Variants in HNF4G observed in about 807,000 individuals in gnomAD.
HNF4G encodes hepatocyte nuclear factor 4 gamma, also known as hepatocyte nuclear factor 4-gamma.
HNF4G carries 21 observed loss-of-function variants against 50.9 expected under a neutral mutation model. The observed-to-expected ratio is 0.41, with a 90% CI of 0.29 to 0.59. HNF4G has a LOEUF of 0.59. Ranked by LOEUF, HNF4G falls within the 20% of genes least tolerant of loss-of-function variation. The pLI is 0.26. For missense variants in HNF4G, 527 were observed against 559.4 expected (o/e 0.94, Z 0.58); for synonymous variants, 198 against 185.6 (o/e 1.07, Z -0.54).
intron 2 of HNF4G, among the ~76,000 whole-genome samples, chr8:75,527,604 C>T (rs544998181): frequency 5.9e-5 from 9 of 152,174 alleles, no homozygotes; most frequent in Non-Finnish European, 1.0e-4. Flanking sequence ...GTATTAGTTA[C>T]AGTCTCCAAG....
Position 75,539,944 on chromosome 8 carries a change from T to G in HNF4G, c.-19T>G, listed in dbSNP as rs944603901. On this transcript the variant is annotated 5_prime_UTR_variant, in exon 1 of 10. Coordinates refer to ENST00000396423, the MANE Select transcript of HNF4G (RefSeq NM_004133.5). ...CACTCTGGGCTTGTGGTGCCACTTG[T>G]ATGTGTGTTTCTAAATCAATGATGA... 2.3e-5 allele frequency: 26 copies of G among 1,114,794 alleles called. No individual in the cohort carries two copies. The highest frequency in any genetic ancestry group is 3.4e-5 in the Non-Finnish European group (25 of 726,426). The allele number at this position is 1,114,794 out of a possible 1,614,324, so 69.1% of individuals were successfully genotyped here. A position where few individuals can be genotyped will look rare whatever the true frequency, so the allele number is the denominator to read the frequency against.
At chr8:75,538,562 T>C (rs1479237959), upstream of HNF4G, among the ~76,000 whole-genome samples, 1 of 152,204 alleles carries the variant, frequency 6.6e-6, no homozygotes, top group Non-Finnish European at 1.5e-5. Flanking sequence ...GAAATGTTTG[T>C]TAACTCATTT....
At chr8:75,463,542 T>C (rs28588787) in intron 1 of HNF4G, among the ~76,000 whole-genome samples, 18,901 of 152,122 alleles carry the variant, frequency 0.12, 1,623 homozygotes, top group African/African-American at 0.25. Context: ...ATATTTTAAA[T>C]TTTGTTCTTC....
intron 2 of HNF4G, among the ~76,000 whole-genome samples, chr8:75,516,124 G>C (rs1805883232): frequency 6.6e-6 from 1 of 152,190 alleles, no homozygotes; most frequent in Non-Finnish European, 1.5e-5. Context: ...AACACCCTCA[G>C]AGACAAACCC....
At chr8:75,440,901 A>C (rs1310132539) in intron 1 of HNF4G, among the ~76,000 whole-genome samples, 1 of 152,114 alleles carries the variant, frequency 6.6e-6, no homozygotes, top group Admixed American at 6.6e-5. Flanking sequence ...TATATTGCCC[A>C]GGCTGGAGTG....
At chr8:75,558,377 C>G (rs1318675617) in intron 6 of HNF4G, 141 bp from the exon 7 acceptor site, 1 of 682,256 alleles carries the variant, frequency 1.5e-6, no homozygotes, top group Non-Finnish European at 2.4e-6. Context: ...ACTAACAACA[C>G]CACTGAGAGA....
At chr8:75,418,812 C>A (rs1810707238) in intron 1 of HNF4G, among the ~76,000 whole-genome samples, 1 of 150,188 alleles carries the variant, frequency 6.7e-6, no homozygotes, top group African/African-American at 2.5e-5. Context: ...ACCGCAACCT[C>A]CGCCTCCCGG....
intron 2 of HNF4G, among the ~76,000 whole-genome samples, chr8:75,530,220 A>G (rs1426955887): frequency 6.6e-6 from 1 of 152,140 alleles, no homozygotes; most frequent in Non-Finnish European, 1.5e-5. Flanking sequence ...GAGTTCCCCT[A>G]TCCTTGATCC....
chr8:75,432,117 C>G (rs1357434795), intron 1 of HNF4G, among the ~76,000 whole-genome samples: 1 of 151,660 alleles, frequency 6.6e-6, no homozygotes, highest in Non-Finnish European at 1.5e-5. Context: ...AGCCAGGCGT[C>G]ATGATGTGCC....
chr8:75,439,453 T>G (rs549282297), intron 1 of HNF4G, among the ~76,000 whole-genome samples: 79 of 152,170 alleles, frequency 5.2e-4, no homozygotes, highest in African/African-American at 1.9e-3. Context: ...ATTGATAATA[T>G]TGTTAAATTA....
At chr8:75,442,791 C>A (rs1178579174) in intron 1 of HNF4G, among the ~76,000 whole-genome samples, 1 of 151,752 alleles carries the variant, frequency 6.6e-6, no homozygotes, top group African/African-American at 2.4e-5. Flanking sequence ...AATATAAAAA[C>A]CTGGTTTTTA....
At chr8:75,562,268 C>T (rs927255656) in intron 9 of HNF4G, among the ~76,000 whole-genome samples, 4 of 151,902 alleles carry the variant, frequency 2.6e-5, no homozygotes, top group Non-Finnish European at 4.4e-5. Flanking sequence ...GATACAAGCA[C>T]AGGTAGATCT....
At chr8:75,512,901 A>G (rs537468950) in intron 2 of HNF4G, among the ~76,000 whole-genome samples, 24 of 152,242 alleles carry the variant, frequency 1.6e-4, no homozygotes, top group Admixed American at 3.9e-4. Context: ...ACTTAGTATG[A>G]CTTTTGGTTT....
intron 1 of HNF4G, among the ~76,000 whole-genome samples, chr8:75,453,498 C>T (rs1019774388): frequency 7.2e-6 from 1 of 138,980 alleles, no homozygotes; most frequent in Non-Finnish European, 1.6e-5. Context: ...AGCTGGCCAC[C>T]CCCCTGCCCC....
At chr8:75,468,785 C>A (rs558683511) in intron 1 of HNF4G, among the ~76,000 whole-genome samples, 1 of 151,966 alleles carries the variant, frequency 6.6e-6, no homozygotes, top group Non-Finnish European at 1.5e-5. Flanking sequence ...ACTCATTAAC[C>A]GTTCCTTCCT....
chr8:75,431,339 G>A (rs1016854030), intron 1 of HNF4G, among the ~76,000 whole-genome samples: 4 of 152,072 alleles, frequency 2.6e-5, no homozygotes, highest in Non-Finnish European at 5.9e-5. Context: ...TGAAAGACAT[G>A]GATCTTCATA....
chr8:75,412,571 G>T (rs916932292), intron 1 of HNF4G, among the ~76,000 whole-genome samples: 1 of 152,128 alleles, frequency 6.6e-6, no homozygotes, highest in African/African-American at 2.4e-5. Flanking sequence ...TTATTTAATA[G>T]TAGGATATCA....
intron 1 of HNF4G, among the ~76,000 whole-genome samples, chr8:75,486,130 T>C (rs1373986073): frequency 6.6e-6 from 1 of 152,196 alleles, no homozygotes; most frequent in Non-Finnish European, 1.5e-5. Flanking sequence ...TGAATTACAG[T>C]CCCTGCCTTA....
At chr8:75,412,542 A>T (rs566969274) in intron 1 of HNF4G, among the ~76,000 whole-genome samples, 1 of 152,316 alleles carries the variant, frequency 6.6e-6, no homozygotes, top group East Asian at 1.9e-4. Flanking sequence ...CTTTTCCCCC[A>T]TCTCATTTAA....
Sources: allele counts gnomAD v4.1 joint callset (sites outside exome capture counted in the v4.1 genomes callset), GRCh38; gene constraint gnomAD v4.1.1; transcripts MANE v1.5; gene names NCBI Gene and HGNC (gene_info 2026-07-23, HGNC 2026-07-21).